The following RPS6KA1 variants were observed in gnomAD, a reference collection of about 807,000 sequenced individuals.
RPS6KA1 encodes ribosomal protein S6 kinase A1.
A neutral mutation model predicts 91.3 loss-of-function variants in RPS6KA1; 48 were observed. The ratio of observed to expected loss-of-function variants is 0.53; its 90% CI spans 0.42 to 0.67. RPS6KA1 has a LOEUF of 0.67. Ranked by LOEUF, RPS6KA1 falls within the 30% of genes least tolerant of loss-of-function variation. RPS6KA1 has a pLI of 0.00. For missense variants in RPS6KA1, 719 were observed against 960.5 expected (o/e 0.75, Z 3.32); for synonymous variants, 359 against 384.7 (o/e 0.93, Z 0.78).
At chr1:26,566,392 T>A (rs1309496774) in intron 17 of RPS6KA1, among the ~76,000 whole-genome samples, 1 of 150,624 alleles carries the variant, frequency 6.6e-6, no homozygotes, top group Non-Finnish European at 1.5e-5. Flanking sequence ...CAAGTGATTC[T>A]CCTACCTCAG....
chr1:26,544,478 G>A (rs1296661632), intron 2 of RPS6KA1, among the ~76,000 whole-genome samples: 1 of 151,384 alleles, frequency 6.6e-6, no homozygotes, highest in Non-Finnish European at 1.5e-5. Context: ...GTCATTGCCT[G>A]TTGGTTTTTT....
intron 2 of RPS6KA1, chr1:26,545,783 C>T (rs2075989092): frequency 5.9e-6 from 8 of 1,363,756 alleles, no homozygotes; most frequent in Admixed American, 3.3e-5. Flanking sequence ...TGATTGGCTG[C>T]CCTGGGCCAG....
intron 2 of RPS6KA1, among the ~76,000 whole-genome samples, chr1:26,545,274 A>G (rs1486300485): frequency 6.8e-6 from 1 of 147,562 alleles, no homozygotes; most frequent in Non-Finnish European, 1.5e-5. Flanking sequence ...GGTTCATGCC[A>G]TTCTCCTGCC....
Position 26,561,028 on chromosome 1 carries a change from G to A in RPS6KA1, c.1342-17G>A, listed in dbSNP as rs1197690869. 1.9e-6 allele frequency: 3 copies of A among 1,612,078 alleles called. No individual in the cohort carries two copies. The highest frequency in any genetic ancestry group is 1.7e-5 in the Admixed American group (1 of 60,008). Reference sequence around the variant, plus strand: ...CCCTGTCACCCTGACACTGCCACATGCACCCCCTTTCTTCAGGTCATTGAT... The same window carrying A: ...CCCTGTCACCCTGACACTGCCACATACACCCCCTTTCTTCAGGTCATTGAT... On this transcript the variant is annotated splice_polypyrimidine_tract_variant and intron_variant, in intron 15 of 21. Coordinates refer to ENST00000374168, the MANE Select transcript of RPS6KA1 (RefSeq NM_002953.4). This position sits in a 1 kb window ranked among gnomAD's most constrained non-coding sequence, Gnocchi z 5.7.
Position 26,574,489 on chromosome 1 carries a change from C to A in RPS6KA1, c.*288C>A. 1 of 564,346 alleles carries A rather than the reference C, an allele frequency of 1.8e-6. No individual in the cohort carries two copies. Among genetic ancestry groups the A allele is most frequent in the East Asian group, 4.4e-5 (1 of 22,616 alleles). 35.0% of individuals were successfully genotyped at this position (564,346 alleles called of 1,614,324 possible). A position where few individuals can be genotyped will look rare whatever the true frequency, so the allele number is the denominator to read the frequency against. ...ATGGATTTTTACAAGATCCATTTGC[C>A]TTTCTGGGAGCAGAAACAGCCATTG... On this transcript the variant is annotated 3_prime_UTR_variant, in exon 22 of 22. Coordinates refer to ENST00000374168, the MANE Select transcript of RPS6KA1 (RefSeq NM_002953.4). The surrounding 1 kb of genome is among the most constrained non-coding windows in gnomAD (Gnocchi z 4.3).
intron 1 of RPS6KA1, among the ~76,000 whole-genome samples, chr1:26,534,673 C>T (rs920654196): frequency 9.9e-5 from 15 of 152,048 alleles, no homozygotes; most frequent in Admixed American, 3.3e-4. Flanking sequence ...TGCTTCTTGC[C>T]GCCACCATTG....
At chr1:26,569,097 A>C (rs2076228224) in intron 17 of RPS6KA1, among the ~76,000 whole-genome samples, 1 of 151,956 alleles carries the variant, frequency 6.6e-6, no homozygotes, top group Admixed American at 6.6e-5. Context: ...AAGCTGAGAT[A>C]TGAGAATTGC....
rs1268629200 is a variant in RPS6KA1, at chr1:26,557,039, A to G, written c.1023A>G (p.Ala341=). ...RREIKPPFKP[A]VAQPDDTFYF... is the part of the protein sequence containing the mutation. The stretch of plus-strand genomic sequence containing the variant: ...AGATCAAGCCACCCTTCAAGCCAGC[A>G]GTGGCTCAGCCTGATGACACCTTCT... The change falls in exon 13 of 22, where the codon GCA becomes GCG. Residue 341 remains alanine, a synonymous_variant. Transcript: ENST00000374168. The G allele has an allele frequency of 1.2e-6, 2 of 1,614,126 alleles. No individual in the cohort carries two copies. The highest frequency in any genetic ancestry group is 2.2e-5 in the South Asian group (2 of 91,088).
In RPS6KA1 at chr1:26,557,120, T is replaced by G; in HGVS notation, c.1084+20T>G. On this transcript the variant is annotated intron_variant, in intron 13 of 21. Transcript: ENST00000374168. ...CCAAGGGTGCGTCCCTTATCTGTTT[T>G]GTCTGTCTTGGGCTGGTACAGGAGG... The G allele has an allele frequency of 6.3e-7, 1 of 1,598,440 alleles. No homozygotes were observed. The highest frequency in any genetic ancestry group is 8.6e-7 in the Non-Finnish European group (1 of 1,166,598).
chr1:26,558,856 C>A lies in RPS6KA1; in HGVS notation c.1134C>A (p.Gly378=). The part of the protein sequence containing the change: ...PSAGAHQLFR[G]FSFVATGLME... ...CTGGGGCCCATCAGCTGTTCCGGGGCTTCAGCTTCGTGGCCACCGGCCTGA... is the reference window on the plus strand; with the variant it reads ...CTGGGGCCCATCAGCTGTTCCGGGGATTCAGCTTCGTGGCCACCGGCCTGA... Residue 378 remains glycine (G), a synonymous_variant, in exon 14 of 22, where the codon GGC becomes GGA. Coordinates refer to ENST00000374168, the MANE Select transcript of RPS6KA1 (RefSeq NM_002953.4). This position sits in a 1 kb window ranked among gnomAD's most constrained non-coding sequence, Gnocchi z 4.0. 1.9e-6 allele frequency: 3 copies of A among 1,613,888 alleles called. No individual in the cohort carries two copies. Among genetic ancestry groups the A allele is most frequent in the Non-Finnish European group, 2.5e-6 (3 of 1,179,772 alleles).
At position 26,546,948 on chromosome 1, in the gene RPS6KA1, C is replaced by T; in HGVS notation, c.190C>T (p.Leu64Phe). Residue 64 changes from leucine to phenylalanine, a missense_variant, in exon 3 of 22, where the codon CTC becomes TTC. Leu to Phe is a conservative substitution (Grantham distance 22, BLOSUM62 0). Around this residue, in one of 5 missense-constraint regions of RPS6KA1, gnomAD observed 159 missense variants for 264.5 expected, o/e 0.60. Transcript: ENST00000374168. ...SEKADPSHFE[L>F]LKVLGQGSFG... ...GAAGGCTGATCCATCCCATTTCGAG[C>T]TCCTCAAGGTTCTGGGCCAGGGATC... 1 of 1,614,160 alleles carries T rather than the reference C, an allele frequency of 6.2e-7. No individual in the cohort carries two copies.
At chr1:26,546,104 T>C in intron 2 of RPS6KA1, 1 of 1,565,646 alleles carries the variant, frequency 6.4e-7, no homozygotes, top group Non-Finnish European at 8.7e-7. Flanking sequence ...GGAAGCCAGC[T>C]TAACATAAGC....
Position 26,533,851 on chromosome 1 carries a change from G to A in RPS6KA1, c.64-3074G>A, listed in dbSNP as rs139614243. Reference sequence around the variant, plus strand: ...TTGCTATGCAGCAGTCAGGCCAGAGGGGCAGATGACCCCGGACCCAGGACC... The same window carrying A: ...TTGCTATGCAGCAGTCAGGCCAGAGAGGCAGATGACCCCGGACCCAGGACC... On this transcript the variant is annotated intron_variant, in intron 1 of 21. Coordinates refer to ENST00000374168, the MANE Select transcript of RPS6KA1 (RefSeq NM_002953.4). Among the ~76,000 whole-genome samples the A allele has an allele frequency of 1.2e-3, 181 of 152,278 alleles. 2 individuals are homozygous for A. The highest frequency in any genetic ancestry group is 6.8e-3 in the Middle Eastern group (2 of 294).
chr1:26,546,156 G>A (rs555951801), intron 2 of RPS6KA1: 1 of 1,143,302 alleles, frequency 8.7e-7, no homozygotes, highest in Non-Finnish European at 1.2e-6. Context: ...CCTGCAGGGT[G>A]ACTGGACCCT....
At chr1:26,570,985 T>C (rs986015249) in intron 17 of RPS6KA1, among the ~76,000 whole-genome samples, 1 of 149,942 alleles carries the variant, frequency 6.7e-6, no homozygotes, top group Non-Finnish European at 1.5e-5. Context: ...CAGCCAGCCA[T>C]GGCGGCGGGT....
chr1:26,556,076 G>C, intron 11 of RPS6KA1: 1 of 211,558 alleles, frequency 4.7e-6, no homozygotes, highest in Non-Finnish European at 9.7e-6. Flanking sequence ...TGCACCGCAG[G>C]TTCCTCGTCT....
Position 26,554,693 on chromosome 1 carries a change from G to A in RPS6KA1, c.711G>A (p.Gln237=), listed in dbSNP as rs528972923. 133 of 1,612,954 alleles carry A rather than the reference G, an allele frequency of 8.2e-5. 1 individual carries two copies. The South Asian group carries it at 1.4e-3, about 17-fold the overall frequency. The change falls in exon 9 of 22, where the codon CAG becomes CAA. Residue 237 remains glutamine (Q), a synonymous_variant. Coordinates refer to ENST00000374168, the MANE Select transcript of RPS6KA1 (RefSeq NM_002953.4). This position sits in a 1 kb window ranked among gnomAD's most constrained non-coding sequence, Gnocchi z 4.6. ...TGGCCCCTGAGGTCGTCAACCGCCA[G>A]GGCCACTCCCATAGTGCGGACTGGT... is the stretch of plus-strand genomic sequence containing the variant. ...EYMAPEVVNR[Q]GHSHSADWWS...
At chr1:26,562,930 G>A (rs1004742715) in intron 17 of RPS6KA1, among the ~76,000 whole-genome samples, 34 of 131,780 alleles carry the variant, frequency 2.6e-4, no homozygotes, top group Admixed American at 1.6e-4. Context: ...TCTGCCTCCC[G>A]GGTTCAAGTG....
At chr1:26,562,825 C>CCTTTTTTTTTTTTTTTTTTTT (rs1553133561) in intron 17 of RPS6KA1, among the ~76,000 whole-genome samples, 3 of 81,432 alleles carry the variant, frequency 3.7e-5, no homozygotes. Context: ...TCCTATTGTC[C>CCTTTTTTTTTTTTTTTTTTTT]TTTTTTTTTT....
Sources: gnomAD v4.1 joint callset for allele counts (sites outside exome capture counted in the v4.1 genomes callset) on GRCh38, gnomAD v4.1.1 for gene constraint, gnomAD v4.1.1 regional missense constraint, Gnocchi (gnomAD v3.1) non-coding constraint, MANE v1.5 for transcripts, NCBI Gene and HGNC (gene_info 2026-07-23, HGNC 2026-07-21) for gene names.